Variants in TRIM44 observed in about 807,000 individuals in gnomAD.
TRIM44 encodes tripartite motif containing 44.
In TRIM44, 13 loss-of-function variants were observed where a neutral mutation model predicts 37.4. The observed-to-expected ratio is 0.35, with a 90% CI of 0.23 to 0.55. The LOEUF is 0.55. TRIM44 is among the 20% of genes least tolerant of loss of function. The pLI is 0.89. For missense variants in TRIM44, 426 were observed against 437.2 expected, an observed-to-expected ratio of 0.97 and a Z score of 0.23; for synonymous variants, 175 against 157.2, an observed-to-expected ratio of 1.11 and a Z score of -0.85.
Position 35,808,329 on chromosome 11 carries a change from C to T in TRIM44, c.*1944C>T, listed in dbSNP as rs1429415376. The stretch of plus-strand genomic sequence containing the variant: ...AATTTGGCATACCATTAATTACAAC[C>T]ACCAATCATATCCAACAAAAGTACC... On this transcript the variant is annotated 3_prime_UTR_variant, in exon 5 of 5. Transcript: ENST00000299413. 4 of 151,710 alleles carry T rather than the reference C, an allele frequency of 2.6e-5. No homozygotes were observed. The highest frequency in any genetic ancestry group is 5.9e-5 in the Non-Finnish European group (4 of 67,980). The allele number at this position is 151,710 out of a possible 1,614,324, so 9.4% of individuals were successfully genotyped here. A position where few individuals can be genotyped will look rare whatever the true frequency, so the allele number is the denominator to read the frequency against.
chr11:35,781,979 A>G (rs1374272490), intron 4 of TRIM44, among the ~76,000 whole-genome samples: 2 of 152,238 alleles, frequency 1.3e-5, no homozygotes, highest in African/African-American at 4.8e-5. Flanking sequence ...TTCATCTTTC[A>G]GTATTTCAAC....
At chr11:35,765,708 G>A (rs1334424265) in intron 4 of TRIM44, among the ~76,000 whole-genome samples, 1 of 152,166 alleles carries the variant, frequency 6.6e-6, no homozygotes, top group Non-Finnish European at 1.5e-5. Flanking sequence ...ATATTCTGAG[G>A]CAGCCATAAT....
At chr11:35,727,434 T>G (rs980298595) in intron 3 of TRIM44, among the ~76,000 whole-genome samples, 1 of 152,188 alleles carries the variant, frequency 6.6e-6, no homozygotes, top group Admixed American at 6.5e-5. Flanking sequence ...AGGAGGCAGG[T>G]ATTTCCAAGC....
intron 4 of TRIM44, among the ~76,000 whole-genome samples, chr11:35,784,356 G>A (rs1035689435): frequency 3.9e-5 from 6 of 152,226 alleles, no homozygotes; most frequent in Admixed American, 2.6e-4. Flanking sequence ...CCATTATTAC[G>A]AATTTTTATT....
At position 35,801,879 on chromosome 11, in the gene TRIM44, C is replaced by T. The variant is rs547186706; in HGVS notation, c.1008-4479C>T. 3.3e-5 allele frequency among the ~76,000 whole-genome samples: 5 copies of T among 152,286 alleles called. No homozygotes were observed. The South Asian group carries it at 1.0e-3, about 32-fold the overall frequency. ...TTAGCTAAACTTTTTTGTTTTACAT[C>T]CCCTAAAAGAAATTTTAAAAGTATG... is the stretch of plus-strand genomic sequence containing the variant. On this transcript the variant is annotated intron_variant, in intron 4 of 4. Transcript: ENST00000299413.
chr11:35,675,265 C>T (rs189186830), intron 1 of TRIM44, among the ~76,000 whole-genome samples: 1 of 152,200 alleles, frequency 6.6e-6, no homozygotes, highest in Admixed American at 6.5e-5. Flanking sequence ...TGTTGTAGAT[C>T]AGTGTTTACA....
At chr11:35,791,817 A>AT (rs1853215381) in intron 4 of TRIM44, among the ~76,000 whole-genome samples, 1 of 152,188 alleles carries the variant, frequency 6.6e-6, no homozygotes, top group Non-Finnish European at 1.5e-5. Context: ...TCTTTGCTAT[A>AT]CTGTGAGCTC....
intron 4 of TRIM44, among the ~76,000 whole-genome samples, chr11:35,749,158 A>G (rs1367566678): frequency 6.6e-6 from 1 of 152,224 alleles, no homozygotes; most frequent in East Asian, 1.9e-4. Context: ...TCATTCTAGC[A>G]TTGTCTTTGG....
At chr11:35,742,773 TAC>T (rs202211587) in intron 4 of TRIM44, among the ~76,000 whole-genome samples, 1,687 of 100,788 alleles carry the variant, frequency 0.017, 49 homozygotes, top group African/African-American at 0.063. Flanking sequence ...TATTATATAT[TAC>T]ATATAAATAT....
intron 2 of TRIM44, among the ~76,000 whole-genome samples, chr11:35,711,339 T>TGACAG (rs770732123): frequency 9.2e-5 from 14 of 152,176 alleles, no homozygotes; most frequent in Non-Finnish European, 1.6e-4. Flanking sequence ...GTTAAAAACC[T>TGACAG]GATGTTGGCC....
At chr11:35,789,102 A>G (rs1243235045) in intron 4 of TRIM44, among the ~76,000 whole-genome samples, 1 of 152,168 alleles carries the variant, frequency 6.6e-6, no homozygotes, top group Non-Finnish European at 1.5e-5. Flanking sequence ...TGACTGAAAA[A>G]TATTTATTTT....
chr11:35,724,171 G>T (rs1430206001), intron 2 of TRIM44: 1 of 152,166 alleles, frequency 6.6e-6, no homozygotes, highest in Non-Finnish European at 1.5e-5. Flanking sequence ...TGTTACAAAA[G>T]CTGCGTAAGG....
intron 2 of TRIM44, among the ~76,000 whole-genome samples, chr11:35,699,986 G>C (rs1250861318): frequency 6.6e-6 from 1 of 152,054 alleles, no homozygotes; most frequent in African/African-American, 2.4e-5. Flanking sequence ...CATGCTCATG[G>C]GTAGGAAGAA....
intron 2 of TRIM44, among the ~76,000 whole-genome samples, chr11:35,697,071 T>C (rs908920563): frequency 6.6e-6 from 1 of 152,192 alleles, no homozygotes; most frequent in Non-Finnish European, 1.5e-5. Context: ...TAAACCTTTT[T>C]TTTTTATTAT....
chr11:35,761,639 A>G (rs1025170029), intron 4 of TRIM44, among the ~76,000 whole-genome samples: 3 of 152,202 alleles, frequency 2.0e-5, no homozygotes, highest in African/African-American at 7.2e-5. Flanking sequence ...CTGTTTTCCA[A>G]ATGAGGAAAA....
chr11:35,705,494 T>C (rs1419226572), intron 2 of TRIM44, among the ~76,000 whole-genome samples: 2 of 152,260 alleles, frequency 1.3e-5, no homozygotes, highest in East Asian at 1.9e-4. Context: ...TATTCCAAAA[T>C]TGACCACATA....
chr11:35,716,365 G>C (rs2135510771), intron 2 of TRIM44, among the ~76,000 whole-genome samples: 1 of 152,292 alleles, frequency 6.6e-6, no homozygotes, highest in South Asian at 2.1e-4. Flanking sequence ...AGTGGTGCAG[G>C]GGGCAGTGGG....
At chr11:35,709,273 G>A (rs1851936201) in intron 2 of TRIM44, among the ~76,000 whole-genome samples, 1 of 152,118 alleles carries the variant, frequency 6.6e-6, no homozygotes. Flanking sequence ...TGCCTCCTGT[G>A]CCTAATGCAT....
chr11:35,813,475 A>C lies in TRIM44; in HGVS notation c.*7090A>C, dbSNP rs565967254. 1 of 152,348 alleles carries C rather than the reference A, an allele frequency of 6.6e-6. No homozygotes were observed. The highest frequency in any genetic ancestry group is 2.4e-5 in the African/African-American group (1 of 41,576). The allele number at this position is 152,348 out of a possible 1,614,324, so 9.4% of individuals were successfully genotyped here. A position where few individuals can be genotyped will look rare whatever the true frequency, so the allele number is the denominator to read the frequency against. On this transcript the variant is annotated 3_prime_UTR_variant, in exon 5 of 5. Transcript: ENST00000299413. ...CAGAACCTATTTGCTCTTCCTTCACACATATTTCTAACTGTAAAGGAAAGA... is the reference window on the plus strand; with the variant it reads ...CAGAACCTATTTGCTCTTCCTTCACCCATATTTCTAACTGTAAAGGAAAGA...
Sources: allele counts gnomAD v4.1 joint callset (sites outside exome capture counted in the v4.1 genomes callset), GRCh38; gene constraint gnomAD v4.1.1; transcripts MANE v1.5; gene names NCBI Gene and HGNC (gene_info 2026-07-23, HGNC 2026-07-21).